STK32C: variants seen among roughly 807,000 people sequenced by gnomAD.
STK32C encodes serine/threonine kinase 32C, also known as serine/threonine-protein kinase 32C.
Under a neutral mutation model 56.5 loss-of-function variants are expected in STK32C, and 31 were observed. The ratio of observed to expected loss-of-function variants is 0.55; its 90% confidence interval spans 0.41 to 0.74. The LOEUF (loss-of-function observed/expected upper bound fraction) is 0.74. STK32C is among the 30% of genes least tolerant of loss of function. The pLI is 0.00. For missense variants in STK32C, 544 were observed against 676.9 expected (o/e 0.80, Z 2.18); for synonymous variants, 309 against 289.4 (o/e 1.07, Z -0.69).
At chr10:132,301,547 C>T (rs1486464626) in intron 1 of STK32C, among the ~76,000 whole-genome samples, 1 of 152,196 alleles carries the variant, frequency 6.6e-6, no homozygotes, top group Non-Finnish European at 1.5e-5. Flanking sequence ...ACACAGGATG[C>T]TCCGCCCAAA....
At chr10:132,294,753 C>T (rs1216317266) in intron 1 of STK32C, among the ~76,000 whole-genome samples, 1 of 152,210 alleles carries the variant, frequency 6.6e-6, no homozygotes, top group Non-Finnish European at 1.5e-5. Context: ...CCAGGGCCAG[C>T]ACCATGGACA....
chr10:132,325,632 C>T (rs1164111239), intron 1 of STK32C, among the ~76,000 whole-genome samples: 4 of 152,068 alleles, frequency 2.6e-5, no homozygotes, highest in African/African-American at 9.7e-5. Context: ...TCCTCCTTGC[C>T]TTCCGCCATG....
rs145871874 is a variant in STK32C, at chr10:132,233,953, G to A, written c.319-5825C>T. 5.2e-3 allele frequency among the ~76,000 whole-genome samples: 789 copies of A among 152,346 alleles called. 21 individuals carry two copies. The highest frequency in any genetic ancestry group is 0.011 in the East Asian group (58 of 5,190). On this transcript the variant is annotated intron_variant, in intron 2 of 11. Coordinates refer to ENST00000298630, the MANE Select transcript of STK32C (RefSeq NM_173575.4). Reference sequence around the variant, plus strand: ...GGAAGAGCAGATGGGCTGGGGCGCCGTCTGAGTCCTCGCCACTGTGGAACT... The same window carrying A: ...GGAAGAGCAGATGGGCTGGGGCGCCATCTGAGTCCTCGCCACTGTGGAACT...
At chr10:132,300,784 C>G (rs2065889907) in intron 1 of STK32C, among the ~76,000 whole-genome samples, 2 of 152,140 alleles carry the variant, frequency 1.3e-5, no homozygotes, top group Admixed American at 1.3e-4. Flanking sequence ...CATTGACAGC[C>G]AGAGCCGAAC....
chr10:132,208,682 G>A (rs1268793369), intron 11 of STK32C, among the ~76,000 whole-genome samples: 3 of 152,126 alleles, frequency 2.0e-5, no homozygotes, highest in Non-Finnish European at 2.9e-5. Flanking sequence ...TCTGTCCCCT[G>A]GGGCCTGACA....
At chr10:132,268,546 T>C (rs996033125) in intron 1 of STK32C, among the ~76,000 whole-genome samples, 2 of 140,018 alleles carry the variant, frequency 1.4e-5, no homozygotes, top group Non-Finnish European at 3.0e-5. Context: ...ACATTGTGTG[T>C]GTGTGTGTGT....
chr10:132,313,669 C>G lies in STK32C; in HGVS notation c.301+17767G>C, dbSNP rs556226245. The stretch of plus-strand genomic sequence containing the variant: ...AGCCAAAGGGGAGCAGGAGAGCAGC[C>G]CTCCGGGCAGAACATGGGTAGCGTC... On this transcript the variant is annotated intron_variant, in intron 1 of 3. Transcript: ENST00000368620. Among the ~76,000 whole-genome samples the G allele has an allele frequency of 2.0e-5, 3 of 152,344 alleles. No homozygotes were observed. The East Asian group carries it at 5.8e-4, about 29-fold the overall frequency.
chr10:132,288,669 CA>C (rs1272467394), intron 1 of STK32C, among the ~76,000 whole-genome samples: 3 of 152,042 alleles, frequency 2.0e-5, no homozygotes, highest in Non-Finnish European at 4.4e-5. Context: ...TATGCACCAG[CA>C]ATAAAAATTT....
chr10:132,214,189 A>T (rs868764361), intron 10 of STK32C, among the ~76,000 whole-genome samples: 9 of 151,148 alleles, frequency 6.0e-5, no homozygotes, highest in South Asian at 2.1e-4. Flanking sequence ...AATGAATATT[A>T]AAAAAAAATC....
At chr10:132,325,706 G>A (rs972325542) in intron 1 of STK32C, among the ~76,000 whole-genome samples, 3 of 150,406 alleles carry the variant, frequency 2.0e-5, no homozygotes, top group East Asian at 2.0e-4. Flanking sequence ...TTTGTAAATC[G>A]CCCAGTCTTT....
chr10:132,225,121 G>A (rs2062838373), intron 7 of STK32C, 112 bp downstream of exon 7: 3 of 772,270 alleles, frequency 3.9e-6, no homozygotes, highest in Admixed American at 5.7e-5. Context: ...CAGACACAGT[G>A]GAGACATCCC....
At chr10:132,323,646 GCTCA>G (rs1352709816), downstream of STK32C, among the ~76,000 whole-genome samples, 1 of 152,226 alleles carries the variant, frequency 6.6e-6, no homozygotes, top group Admixed American at 6.5e-5. This position sits in a 1 kb window ranked among gnomAD's most constrained non-coding sequence, Gnocchi z 4.8. Flanking sequence ...GGGATTGGAG[GCTCA>G]CAGGCCATGA....
chr10:132,222,068 C>T (rs1196981164), intron 10 of STK32C, among the ~76,000 whole-genome samples: 5 of 147,792 alleles, frequency 3.4e-5, no homozygotes, highest in African/African-American at 1.0e-4. Flanking sequence ...ACAACATCAA[C>T]GCACCTGGGC....
intron 1 of STK32C, chr10:132,330,175 G>C (rs986191646): frequency 2.3e-6 from 1 of 442,324 alleles, no homozygotes; most frequent in Non-Finnish European, 4.2e-6. Flanking sequence ...GCACAGTAAA[G>C]GGCAAAACAT....
At position 132,241,042 on chromosome 10, in the gene STK32C, C is replaced by T. The variant is rs541986508; in HGVS notation, c.318+4858G>A. 4.6e-5 allele frequency among the ~76,000 whole-genome samples: 7 copies of T among 152,364 alleles called. No homozygotes were observed. In the South Asian group the frequency reaches 1.4e-3, roughly 32 times the overall value. ...CGGCCTCTGCCCCTACAGAAGTCAA[C>T]GGGAACACACGATCTCCCAGCACTT... On this transcript the variant is annotated intron_variant, in intron 2 of 11. Coordinates refer to ENST00000298630, the MANE Select transcript of STK32C (RefSeq NM_173575.4).
At chr10:132,226,549 C>T (rs1038126089) in intron 4 of STK32C, among the ~76,000 whole-genome samples, 1 of 152,196 alleles carries the variant, frequency 6.6e-6, no homozygotes, top group East Asian at 1.9e-4. Context: ...GCTAACAGCC[C>T]ACTGTGCCCA....
At chr10:132,318,060 G>C (rs2066339662) in intron 1 of STK32C, among the ~76,000 whole-genome samples, 1 of 151,616 alleles carries the variant, frequency 6.6e-6, no homozygotes, top group Non-Finnish European at 1.5e-5. Context: ...ACAAGGTCAG[G>C]AGTTCCAGAC....
chr10:132,227,320 G>A (rs1262735816), intron 3 of STK32C, among the ~76,000 whole-genome samples: 2 of 152,256 alleles, frequency 1.3e-5, no homozygotes, highest in Non-Finnish European at 1.5e-5. Flanking sequence ...GCCTCGGAGG[G>A]TTGTTACAGA....
Position 132,239,413 on chromosome 10 carries a change from A to G in STK32C, c.318+6487T>C, listed in dbSNP as rs2063420398. Among the ~76,000 whole-genome samples, 3 of 152,182 alleles carry G rather than the reference A, an allele frequency of 2.0e-5. No homozygotes were observed. The South Asian group carries it at 6.2e-4, about 32-fold the overall frequency. On this transcript the variant is annotated intron_variant, in intron 2 of 11. Transcript: ENST00000298630. The stretch of plus-strand genomic sequence containing the variant: ...GCAAAGTCAGCAAAAACCCAAACAA[A>G]GCCTGTATCAAACCATCTTAGTCCC...
Sources: gnomAD v4.1 joint callset for allele counts (sites outside exome capture counted in the v4.1 genomes callset) on GRCh38, gnomAD v4.1.1 for gene constraint, Gnocchi (gnomAD v3.1) non-coding constraint, MANE v1.5 for transcripts, NCBI Gene and HGNC (gene_info 2026-07-23, HGNC 2026-07-21) for gene names.